The following SPIRE2 variants were observed in gnomAD, a reference collection of about 807,000 sequenced individuals.
SPIRE2 encodes spire type actin nucleation factor 2.
Under a neutral mutation model 80.7 loss-of-function variants are expected in SPIRE2, and 76 were observed. The observed-to-expected ratio is 0.94, with a 90% CI of 0.78 to 1.14. The LOEUF is 1.14. Among genes scored for constraint, SPIRE2 ranks in the 50% most tolerant of loss-of-function variants. The probability of loss-of-function intolerance (pLI) is 0.00; values close to 1 mark genes in which losing one functional copy is unlikely to be tolerated. For missense variants in SPIRE2, 1,196 were observed against 1,015.3 expected (o/e 1.18, Z -2.42); for synonymous variants, 535 against 432.6 (o/e 1.24, Z -2.94).
intron 3 of SPIRE2, 31 bp from the exon 4 acceptor site, chr16:89,854,254 TC>T: frequency 1.2e-6 from 2 of 1,602,914 alleles, no homozygotes; most frequent in Non-Finnish European, 8.5e-7. Context: ...TTCTCGTACC[TC>T]CCCTGGACTG....
intron 1 of SPIRE2, among the ~76,000 whole-genome samples, chr16:89,841,555 C>T (rs887413838): frequency 6.6e-5 from 10 of 152,106 alleles, no homozygotes; most frequent in African/African-American, 1.9e-4. Context: ...TGGCCATGCT[C>T]GGTGGCCCAG....
At chr16:89,865,829 G>A (rs1255091356) in intron 12 of SPIRE2, among the ~76,000 whole-genome samples, 4 of 151,908 alleles carry the variant, frequency 2.6e-5, no homozygotes, top group East Asian at 3.9e-4. Flanking sequence ...TTAGCTGGGC[G>A]TGGTGGCGGG....
intron 5 of SPIRE2, among the ~76,000 whole-genome samples, chr16:89,855,171 C>T (rs928118700): frequency 6.6e-6 from 1 of 152,168 alleles, no homozygotes; most frequent in African/African-American, 2.4e-5. Context: ...ATCTCCTGAC[C>T]TTGTGATCTG....
At chr16:89,843,691 G>GTTTT (rs1224567542) in intron 1 of SPIRE2, among the ~76,000 whole-genome samples, 1 of 20,638 alleles carries the variant, frequency 4.8e-5, no homozygotes, top group Non-Finnish European at 7.6e-5. Flanking sequence ...GTTTGTTTTT[G>GTTTT]TTTTTTGTTT....
intron 2 of SPIRE2, among the ~76,000 whole-genome samples, chr16:89,847,678 G>A (rs974121798): frequency 3.3e-5 from 5 of 152,212 alleles, no homozygotes; most frequent in African/African-American, 1.2e-4. Context: ...AGGTGTCCTG[G>A]GCTGGCAGTA....
chr16:89,836,409 C>T, intron 1 of SPIRE2: 1 of 359,684 alleles, frequency 2.8e-6, no homozygotes, highest in Non-Finnish European at 5.6e-6. Context: ...CAACCCACCT[C>T]CAGATCCTCC....
intron 1 of SPIRE2, among the ~76,000 whole-genome samples, chr16:89,829,613 C>G (rs1313616606): frequency 6.6e-6 from 1 of 152,206 alleles, no homozygotes; most frequent in African/African-American, 2.4e-5. Context: ...AGGGCCAGGG[C>G]AAGGCCAGAC....
chr16:89,828,685 C>T lies in SPIRE2; in HGVS notation c.135C>T (p.Phe45=), dbSNP rs1416908621. 3 of 1,316,486 alleles carry T rather than the reference C, an allele frequency of 2.3e-6. No individual in the cohort carries two copies. The highest frequency in any genetic ancestry group is 6.5e-5 in the East Asian group (2 of 30,668). 81.6% of individuals were successfully genotyped at this position (1,316,486 alleles called of 1,614,324 possible). A position where few individuals can be genotyped will look rare whatever the true frequency, so the allele number is the denominator to read the frequency against. Residue 45 remains phenylalanine, a synonymous_variant, in exon 1 of 15, where the codon TTC becomes TTT. Coordinates refer to ENST00000378247, the MANE Select transcript of SPIRE2 (RefSeq NM_032451.2). This position sits in a 1 kb window ranked among gnomAD's most constrained non-coding sequence, Gnocchi z 5.9. ...LNEEQAWAVC[F]QGCRGLRGSP... ...AGGAGCAGGCGTGGGCCGTGTGCTT[C>T]CAGGGCTGCCGCGGGCTGCGGGGCT... is the stretch of plus-strand genomic sequence containing the variant.
intron 5 of SPIRE2, 47 bp downstream of exon 5, chr16:89,854,698 G>T: frequency 6.3e-7 from 1 of 1,590,990 alleles, no homozygotes; most frequent in Non-Finnish European, 8.6e-7. Context: ...AGAGGTCGTG[G>T]TGAGCGGGGC....
chr16:89,848,333 G>T (rs898089590), intron 2 of SPIRE2, among the ~76,000 whole-genome samples: 2 of 152,220 alleles, frequency 1.3e-5, no homozygotes, highest in African/African-American at 4.8e-5. Flanking sequence ...TGTCTTGCCC[G>T]CCTACAGCAG....
rs1291324770 is a variant in SPIRE2 at position 89,854,527 on chromosome 16, G to A, written c.767G>A (p.Gly256Glu). The A allele has an allele frequency of 1.2e-6, 2 of 1,612,742 alleles. No individual in the cohort carries two copies. Residue 256 changes from glycine (G) to glutamate (E), a missense_variant, in exon 5 of 15, where the codon GGA (glycine) becomes GAA (glutamate). By Grantham distance (98) the Gly-to-Glu change is moderately conservative. Transcript: ENST00000378247. ...CAGCTCATGCGGGAGCTCCGCCGCG[G>A]AGTGAAGCTGAAGAAGGTGCAAGAG... ...WVQLMRELRRGVKLKKVQEQE... is the reference protein window; with the variant it reads ...WVQLMRELRREVKLKKVQEQE...
chr16:89,855,291 G>A (rs967550012), intron 5 of SPIRE2, among the ~76,000 whole-genome samples: 2 of 152,118 alleles, frequency 1.3e-5, no homozygotes, highest in African/African-American at 2.4e-5. Context: ...AGGAGGCGCC[G>A]GCATGGTTCT....
intron 3 of SPIRE2, 105 bp from the exon 4 acceptor site, chr16:89,854,181 T>C: frequency 1.9e-6 from 2 of 1,051,288 alleles, no homozygotes; most frequent in Non-Finnish European, 2.8e-6. Context: ...TTCCGGCTGG[T>C]CGAGTGGAGC....
intron 1 of SPIRE2, among the ~76,000 whole-genome samples, chr16:89,842,177 G>A (rs1350630087): frequency 6.8e-6 from 1 of 146,642 alleles, no homozygotes; most frequent in African/African-American, 2.6e-5. Flanking sequence ...AGTCTTTGCA[G>A]CTTAAATACA....
At chr16:89,858,271 G>A in intron 7 of SPIRE2, 67 bp from the exon 8 acceptor site, 1 of 1,447,852 alleles carries the variant, frequency 6.9e-7, no homozygotes, top group South Asian at 1.5e-5. Flanking sequence ...TGCACACAAA[G>A]CTGTCAGCTC....
At chr16:89,853,681 T>G (rs1294172549) in intron 3 of SPIRE2, among the ~76,000 whole-genome samples, 1 of 151,952 alleles carries the variant, frequency 6.6e-6, no homozygotes, top group Non-Finnish European at 1.5e-5. Flanking sequence ...TGGGACTTCG[T>G]GACAGCAGAG....
chr16:89,841,771 C>A (rs938726444), intron 1 of SPIRE2, among the ~76,000 whole-genome samples: 4 of 151,912 alleles, frequency 2.6e-5, no homozygotes, highest in African/African-American at 7.3e-5. Flanking sequence ...GATCTCGGCT[C>A]ACCGCAACCT....
In SPIRE2 at chr16:89,870,470, G is replaced by T. The variant is rs1027898673; in HGVS notation, c.*198G>T. ...GCGCACTTCAAAACCCTCCCTGGGG[G>T]AGGCTGTTTCTTCTCAGGATTCCTT... On this transcript the variant is annotated 3_prime_UTR_variant, in exon 15 of 15. Transcript: ENST00000378247. 3.8e-6 allele frequency: 2 copies of T among 526,698 alleles called. No homozygotes were observed. The highest frequency in any genetic ancestry group is 3.8e-5 in the African/African-American group (2 of 52,724). The allele number at this position is 526,698 out of a possible 1,614,324, so 32.6% of individuals were successfully genotyped here. A position where few individuals can be genotyped will look rare whatever the true frequency, so the allele number is the denominator to read the frequency against.
Position 89,850,636 on chromosome 16 carries a change from G to T in SPIRE2, c.621G>T (p.Leu207=), listed in dbSNP as rs1173678259. 6.0e-6 allele frequency: 9 copies of T among 1,510,040 alleles called. No homozygotes were observed. Among genetic ancestry groups the T allele is most frequent in the Non-Finnish European group, 7.9e-6 (9 of 1,135,258 alleles). 93.5% of individuals were successfully genotyped at this position (1,510,040 alleles called of 1,614,324 possible). ...AGACGCTGGAGCTGCGGGCCTTCCT[G>T]GCCAGGGTCCGGGAGGCCAAGGAGG... The part of the protein sequence containing the change: ...FVETLELRAF[L]ARVREAKEML... Residue 207 remains leucine (L), a synonymous_variant, in exon 3 of 15, where the codon CTG becomes CTT. Coordinates refer to ENST00000378247, the MANE Select transcript of SPIRE2 (RefSeq NM_032451.2).
Sources: allele counts gnomAD v4.1 joint callset (sites outside exome capture counted in the v4.1 genomes callset), GRCh38; gene constraint gnomAD v4.1.1; non-coding constraint Gnocchi (gnomAD v3.1); transcripts MANE v1.5; gene names NCBI Gene and HGNC (gene_info 2026-07-23, HGNC 2026-07-21).